The following H2AZ2 variants were observed in gnomAD, a reference collection of about 807,000 sequenced individuals.
H2AZ2 encodes histone H2A.V.
A neutral mutation model predicts 15.5 loss-of-function variants in H2AZ2; 5 were observed. That is an observed-to-expected ratio of 0.32 (90% confidence interval 0.17 to 0.68). H2AZ2 has a LOEUF of 0.68. H2AZ2 is among the 30% of genes least tolerant of loss of function. H2AZ2 has a pLI of 0.72. For synonymous variants in H2AZ2, 44 were observed against 57.4 expected, an observed-to-expected ratio of 0.77 and a Z score of 1.05; for missense variants, 42 against 162.5, an observed-to-expected ratio of 0.26 and a Z score of 4.03.
chr7:44,843,630 C>T (rs561275524), intron 1 of H2AZ2, among the ~76,000 whole-genome samples: 7 of 152,296 alleles, frequency 4.6e-5, no homozygotes, highest in African/African-American at 1.4e-4. Context: ...GCGACCTTGA[C>T]TCACTGCAAA....
At chr7:44,836,663 G>A (rs1445242319) in intron 3 of H2AZ2, among the ~76,000 whole-genome samples, 1 of 151,866 alleles carries the variant, frequency 6.6e-6, no homozygotes. Context: ...GACTACAGGC[G>A]CCTGCCACCA....
intron 3 of H2AZ2, among the ~76,000 whole-genome samples, chr7:44,838,203 G>T (rs556539736): frequency 2.0e-4 from 31 of 151,844 alleles, no homozygotes; most frequent in Non-Finnish European, 4.6e-4. Context: ...TCGATCTCTT[G>T]ACCTCGTGAT....
At chr7:44,843,406 C>T in intron 1 of H2AZ2, 52 bp from the exon 2 acceptor site, 1 of 1,217,630 alleles carries the variant, frequency 8.2e-7, no homozygotes, top group Non-Finnish European at 1.2e-6. Flanking sequence ...AATACTACTT[C>T]AAAAATATTC....
At chr7:44,842,440 G>A (rs1326790204) in intron 2 of H2AZ2, among the ~76,000 whole-genome samples, 5 of 152,110 alleles carry the variant, frequency 3.3e-5, no homozygotes, top group African/African-American at 4.8e-5. Flanking sequence ...ACTTCAAAAT[G>A]ATTCCATTTA....
At chr7:44,843,402 A>G in intron 1 of H2AZ2, 48 bp from the exon 2 acceptor site, 2 of 1,261,976 alleles carry the variant, frequency 1.6e-6, no homozygotes, top group Non-Finnish European at 2.3e-6. Context: ...TGAAAATACT[A>G]CTTCAAAAAT....
At chr7:44,837,433 G>GAAAAAAAAAAAAAAAAAAAAAAAA (rs71011996) in intron 3 of H2AZ2, among the ~76,000 whole-genome samples, 2 of 87,270 alleles carry the variant, frequency 2.3e-5, no homozygotes, top group African/African-American at 4.3e-5. Context: ...AAAAAAAAAA[G>GAAAAAAAAAAAAAAAAAAAAAAAA]AAAAAAAAAA....
intron 3 of H2AZ2, among the ~76,000 whole-genome samples, chr7:44,836,283 A>G (rs1234920847): frequency 6.6e-6 from 1 of 152,152 alleles, no homozygotes; most frequent in Non-Finnish European, 1.5e-5. Context: ...ATTTTAATAT[A>G]TACTTGTAGA....
At chr7:44,839,104 C>A (rs975144018) in intron 3 of H2AZ2, among the ~76,000 whole-genome samples, 2 of 152,172 alleles carry the variant, frequency 1.3e-5, no homozygotes, top group Admixed American at 1.3e-4. Context: ...ATGTATAACC[C>A]TGCAGAGAAC....
intron 2 of H2AZ2, among the ~76,000 whole-genome samples, chr7:44,842,523 C>T (rs1229049545): frequency 1.3e-5 from 2 of 152,154 alleles, no homozygotes; most frequent in Non-Finnish European, 2.9e-5. Flanking sequence ...AAACCTGTGA[C>T]TTTCTCTCAA....
intron 4 of H2AZ2, 32 bp from the exon 5 acceptor site, chr7:44,834,594 CT>C: frequency 1.3e-6 from 2 of 1,563,684 alleles, no homozygotes; most frequent in Non-Finnish European, 1.7e-6. Context: ...TTATTAAAAA[CT>C]TTTAAAGTTT....
At chr7:44,846,062 C>CACACACACAGAGAGAGAG (rs57468916) in intron 1 of H2AZ2, among the ~76,000 whole-genome samples, 123 of 75,126 alleles carry the variant, frequency 1.6e-3, no homozygotes, top group Admixed American at 0.012. Flanking sequence ...CACACACACA[C>CACACACACAGAGAGAGAG]AGAGAGAGAC....
rs1793023333 is a variant in H2AZ2 at position 44,832,799 on chromosome 7, A to C, written c.*1702T>G. On this transcript the variant is annotated 3_prime_UTR_variant, in exon 5 of 5. Coordinates refer to ENST00000308153, the MANE Select transcript of H2AZ2 (RefSeq NM_012412.5). The stretch of plus-strand genomic sequence containing the variant: ...CTCTGTCTCTTACATAAATAAAAAA[A>C]ATTAGCCAGGTATGGTGGCATGTGC... Among the ~76,000 whole-genome samples, 3 of 151,998 alleles carry C rather than the reference A, an allele frequency of 2.0e-5. No homozygotes were observed. Among genetic ancestry groups the C allele is most frequent in the Admixed American group, 1.3e-4 (2 of 15,250 alleles).
At chr7:44,842,656 T>G (rs1229988864) in intron 2 of H2AZ2, among the ~76,000 whole-genome samples, 2 of 152,168 alleles carry the variant, frequency 1.3e-5, no homozygotes, top group Non-Finnish European at 2.9e-5. Flanking sequence ...CTACTTCAAA[T>G]TAAGTATGCC....
At chr7:44,838,529 G>A (rs146324800) in intron 3 of H2AZ2, among the ~76,000 whole-genome samples, 361 of 151,894 alleles carry the variant, frequency 2.4e-3, no homozygotes, top group African/African-American at 8.1e-3. Flanking sequence ...GATGCACACC[G>A]GTAGCCCCAG....
chr7:44,830,350 G>C (rs1242225891), downstream of H2AZ2, among the ~76,000 whole-genome samples: 1 of 152,156 alleles, frequency 6.6e-6, no homozygotes, highest in Non-Finnish European at 1.5e-5. Flanking sequence ...TTTTCATAAT[G>C]TCAGAAGCAT....
intron 2 of H2AZ2, 25 bp downstream of exon 2, chr7:44,843,252 T>C (rs1317068650): frequency 1.4e-6 from 2 of 1,476,850 alleles, no homozygotes; most frequent in Non-Finnish European, 1.8e-6. Flanking sequence ...AAAATAATAA[T>C]GTAATGACAG....
At chr7:44,845,914 T>G (rs1461312044) in intron 1 of H2AZ2, among the ~76,000 whole-genome samples, 1 of 152,086 alleles carries the variant, frequency 6.6e-6, no homozygotes, top group Non-Finnish European at 1.5e-5. Flanking sequence ...CCTCCCTACT[T>G]TGAACATTCA....
chr7:44,847,942 G>A (rs769371916), intron 1 of H2AZ2, 27 bp downstream of exon 1: 3 of 1,504,154 alleles, frequency 2.0e-6, no homozygotes, highest in Non-Finnish European at 2.6e-6. Context: ...CAGGCCCCGT[G>A]CCCCCGGCCC....
chr7:44,841,090 T>G, intron 2 of H2AZ2, 78 bp from the exon 3 acceptor site: 1 of 1,022,102 alleles, frequency 9.8e-7, no homozygotes. Context: ...CTGAACAATG[T>G]AAGCATGAAA....
Sources: allele counts gnomAD v4.1 joint callset (sites outside exome capture counted in the v4.1 genomes callset), GRCh38; gene constraint gnomAD v4.1.1; transcripts MANE v1.5; gene names NCBI Gene and HGNC (gene_info 2026-07-23, HGNC 2026-07-21).